DOP1B: variants seen among roughly 807,000 people sequenced by gnomAD.
The protein encoded by DOP1B is protein DOP1B.
In DOP1B, 174 loss-of-function variants were observed where a neutral mutation model predicts 233.5. The observed-to-expected ratio is 0.75, with a 90% CI of 0.66 to 0.85. The LOEUF (loss-of-function observed/expected upper bound fraction) is 0.85. Among genes scored for constraint, DOP1B ranks in the 40% least tolerant of loss-of-function variants. The pLI, the probability that DOP1B is intolerant of heterozygous loss-of-function variation, is 0.00. For synonymous variants in DOP1B, 1,190 were observed against 1,185.6 expected (o/e 1.00, Z -0.08); for missense variants, 2,652 against 2,846.6 (o/e 0.93, Z 1.56).
chr21:36,227,356 G>C (rs1472361612), intron 12 of DOP1B, among the ~76,000 whole-genome samples: 6 of 151,570 alleles, frequency 4.0e-5, no homozygotes, highest in Non-Finnish European at 7.4e-5. Flanking sequence ...GACCATCCTG[G>C]CTAACACGGT....
intron 2 of DOP1B, among the ~76,000 whole-genome samples, chr21:36,183,042 G>T (rs80226428): frequency 9.2e-5 from 14 of 152,128 alleles, no homozygotes; most frequent in African/African-American, 2.7e-4. Flanking sequence ...TGTTTAAGAG[G>T]CAGGGTCTCA....
intron 2 of DOP1B, among the ~76,000 whole-genome samples, chr21:36,176,008 C>T (rs914609683): frequency 2.0e-5 from 3 of 151,692 alleles, no homozygotes; most frequent in African/African-American, 4.9e-5. Context: ...TATCACACAC[C>T]TTGTGGAGGA....
intron 4 of DOP1B, among the ~76,000 whole-genome samples, chr21:36,206,329 A>G (rs2066424731): frequency 6.6e-6 from 1 of 151,688 alleles, no homozygotes; most frequent in South Asian, 2.1e-4. Flanking sequence ...CCAAAAGTTC[A>G]AGACCAGCCT....
chr21:36,241,418 C>T (rs1456887528), intron 18 of DOP1B, among the ~76,000 whole-genome samples: 1 of 151,802 alleles, frequency 6.6e-6, no homozygotes, highest in Non-Finnish European at 1.5e-5. Context: ...ACACCCCCCT[C>T]TCCAGATCAA....
chr21:36,165,544 C>G (rs547882539), intron 2 of DOP1B, among the ~76,000 whole-genome samples: 1 of 151,986 alleles, frequency 6.6e-6, no homozygotes, highest in African/African-American at 2.4e-5. Flanking sequence ...GGTACCAGTC[C>G]GTGGCCTATT....
rs187415608 is a variant in DOP1B, at chr21:36,293,780, C to T, written c.*209C>T. The stretch of plus-strand genomic sequence containing the variant: ...GGCAGATCACTTGAGGTCAGGAGTT[C>T]GAGACCAGCCTGACCAACATGGTGA... On this transcript the variant is annotated 3_prime_UTR_variant, in exon 37 of 37. Transcript: ENST00000691173. 6 of 511,734 alleles carry T rather than the reference C, an allele frequency of 1.2e-5. No homozygotes were observed. Among genetic ancestry groups the T allele is most frequent in the African/African-American group, 7.7e-5 (4 of 51,944 alleles). The allele number at this position is 511,734 out of a possible 1,614,324, so 31.7% of individuals were successfully genotyped here. A position where few individuals can be genotyped will look rare whatever the true frequency, so the allele number is the denominator to read the frequency against.
rs2066457914 is a variant in DOP1B, at chr21:36,208,737, C to T, written c.514C>T (p.Leu172=). Reference sequence around the variant, plus strand: ...CAGAACGGATGCTCTGCTCCTGAGACTGTCGCTGGTGGTTGGCAAAGAGGT... The same window carrying T: ...CAGAACGGATGCTCTGCTCCTGAGATTGTCGCTGGTGGTTGGCAAAGAGGT... ...SDRTDALLLR[L]SLVVGKEVFY... Residue 172 remains leucine, a synonymous_variant, in exon 5 of 37, where the codon CTG becomes TTG. Coordinates refer to ENST00000691173, the MANE Select transcript of DOP1B (RefSeq NM_001320714.2). The T allele has an allele frequency of 1.9e-6, 3 of 1,613,510 alleles. No homozygotes were observed. Among genetic ancestry groups the T allele is most frequent in the Non-Finnish European group, 1.7e-6 (2 of 1,179,796 alleles).
intron 27 of DOP1B, among the ~76,000 whole-genome samples, chr21:36,272,055 C>T (rs933164022): frequency 2.0e-5 from 3 of 151,340 alleles, no homozygotes; most frequent in Admixed American, 1.3e-4. Flanking sequence ...CTTAATACAA[C>T]GTGAGAAAGG....
At chr21:36,200,915 C>G (rs1216222486) in intron 4 of DOP1B, among the ~76,000 whole-genome samples, 2 of 151,894 alleles carry the variant, frequency 1.3e-5, no homozygotes, top group African/African-American at 2.4e-5. Context: ...TCGGGTTGCT[C>G]TTTCACATTT....
At chr21:36,273,858 G>A (rs960613575) in intron 27 of DOP1B, among the ~76,000 whole-genome samples, 2 of 152,004 alleles carry the variant, frequency 1.3e-5, no homozygotes, top group South Asian at 2.1e-4. Flanking sequence ...GGCGGATCAC[G>A]AGGTCAGGAG....
intron 1 of DOP1B, among the ~76,000 whole-genome samples, chr21:36,158,094 C>T (rs2065836371): frequency 6.6e-6 from 1 of 152,102 alleles, no homozygotes; most frequent in African/African-American, 2.4e-5. Flanking sequence ...CCACAGTGCC[C>T]AACCCTGAAT....
intron 22 of DOP1B, among the ~76,000 whole-genome samples, chr21:36,252,576 C>T (rs1042993586): frequency 4.0e-5 from 6 of 149,708 alleles, no homozygotes; most frequent in Non-Finnish European, 7.4e-5. Flanking sequence ...TGAGACAGAG[C>T]GATCTCAGCT....
chr21:36,287,121 C>T (rs1227087189), intron 32 of DOP1B, among the ~76,000 whole-genome samples: 1 of 152,060 alleles, frequency 6.6e-6, no homozygotes, highest in Non-Finnish European at 1.5e-5. Context: ...ATTCTACAAA[C>T]AAGACATTTC....
intron 23 of DOP1B, among the ~76,000 whole-genome samples, chr21:36,259,187 G>A (rs1238264316): frequency 6.6e-6 from 1 of 151,600 alleles, no homozygotes; most frequent in African/African-American, 2.4e-5. Context: ...GGATGGTCTC[G>A]ATCTCCTGAC....
At chr21:36,271,125 T>TAA (rs79382444) in intron 27 of DOP1B, among the ~76,000 whole-genome samples, 3 of 138,410 alleles carry the variant, frequency 2.2e-5, no homozygotes, top group South Asian at 2.3e-4. Context: ...GTTGGAAAGT[T>TAA]AAAAAAAAAA....
At chr21:36,259,779 G>C (rs2067148095) in intron 23 of DOP1B, among the ~76,000 whole-genome samples, 1 of 152,132 alleles carries the variant, frequency 6.6e-6, no homozygotes, top group Admixed American at 6.6e-5. Flanking sequence ...GCAATTTCTA[G>C]TCTTTCCTGG....
intron 2 of DOP1B, among the ~76,000 whole-genome samples, chr21:36,194,471 A>G (rs1490975691): frequency 1.4e-5 from 2 of 138,212 alleles, no homozygotes; most frequent in Non-Finnish European, 3.1e-5. Context: ...CTTTTGCTGC[A>G]TTTCTCTCTC....
At chr21:36,236,031 T>G (rs2066821876) in intron 15 of DOP1B, among the ~76,000 whole-genome samples, 1 of 152,162 alleles carries the variant, frequency 6.6e-6, no homozygotes, top group Non-Finnish European at 1.5e-5. Context: ...TTTTGTTGAG[T>G]AGAAATAAAT....
chr21:36,249,437 A>C (rs1197672408), intron 21 of DOP1B, among the ~76,000 whole-genome samples: 1 of 152,130 alleles, frequency 6.6e-6, no homozygotes, highest in African/African-American at 2.4e-5. Flanking sequence ...CAAAAACAAT[A>C]GTCTCTAGTG....
Sources: allele counts gnomAD v4.1 joint callset (sites outside exome capture counted in the v4.1 genomes callset), GRCh38; gene constraint gnomAD v4.1.1; transcripts MANE v1.5; gene names NCBI Gene and HGNC (gene_info 2026-07-23, HGNC 2026-07-21).